ESR2: variants seen among roughly 807,000 people sequenced by gnomAD.
ESR2 encodes the protein estrogen receptor beta.
ESR2 carries 36 observed loss-of-function variants against 49.6 expected under a neutral mutation model. That is an observed-to-expected ratio of 0.73 (90% CI 0.56 to 0.96). The LOEUF is 0.96. Ranked by LOEUF, ESR2 falls within the 40% of genes least tolerant of loss-of-function variation. The pLI is 0.00. For missense variants in ESR2, 714 were observed against 693.0 expected, an observed-to-expected ratio of 1.03 and a Z score of -0.34; for synonymous variants, 320 against 266.1, an observed-to-expected ratio of 1.20 and a Z score of -1.97.
chr14:64,291,909 TAAAGA>T (rs1294457772), intron 1 of ESR2, among the ~76,000 whole-genome samples: 1 of 152,138 alleles, frequency 6.6e-6, no homozygotes, highest in African/African-American at 2.4e-5. Context: ...TTTTTTTTAA[TAAAGA>T]AGTTTTAAAA....
chr14:64,249,440 A>G, intron 7 of ESR2, 106 bp downstream of exon 7: 1 of 1,320,428 alleles, frequency 7.6e-7, no homozygotes, highest in Non-Finnish European at 1.1e-6. Context: ...AAACCATTTT[A>G]CCCTTTCAAA....
rs116588943 is a variant in ESR2 at position 64,247,558 on chromosome 14, A to G, written c.1225+1988T>C. Reference sequence around the variant, plus strand: ...GTTGTTTCAAGTATCGAACTCTAAGATTGGATAAATAAGGCCCAATATGTT... The same window carrying G: ...GTTGTTTCAAGTATCGAACTCTAAGGTTGGATAAATAAGGCCCAATATGTT... On this transcript the variant is annotated intron_variant, in intron 7 of 8. Coordinates refer to ENST00000341099, the MANE Select transcript of ESR2 (RefSeq NM_001437.3). 1.9e-3 allele frequency among the ~76,000 whole-genome samples: 296 copies of G among 152,326 alleles called. 1 individual carries two copies. Among genetic ancestry groups the G allele is most frequent in the African/African-American group, 6.8e-3 (282 of 41,574 alleles).
chr14:64,231,530 C>T lies in ESR2; in HGVS notation c.*1607G>A, dbSNP rs964816088. 6.6e-6 allele frequency: 1 copy of T among 152,174 alleles called. No homozygotes were observed. Among genetic ancestry groups the T allele is most frequent in the African/African-American group, 2.4e-5 (1 of 41,422 alleles). The allele number at this position is 152,174 out of a possible 1,614,324, so 9.4% of individuals were successfully genotyped here. ...ACTTGTCCAAGCATTTCTGAAACAGCTAAGCTCAACTTATAGTAAAATTGC... is the reference window on the plus strand; with the variant it reads ...ACTTGTCCAAGCATTTCTGAAACAGTTAAGCTCAACTTATAGTAAAATTGC... On this transcript the variant is annotated 3_prime_UTR_variant, in exon 9 of 9. Transcript: ENST00000341099.
rs1009260091 is a variant in ESR2, at chr14:64,232,305, A to C, written c.*832T>G. 1.3e-5 allele frequency: 2 copies of C among 152,308 alleles called. No homozygotes were observed. The highest frequency in any genetic ancestry group is 4.8e-5 in the African/African-American group (2 of 41,432). The allele number at this position is 152,308 out of a possible 1,614,324, so 9.4% of individuals were successfully genotyped here. On this transcript the variant is annotated 3_prime_UTR_variant, in exon 9 of 9. Coordinates refer to ENST00000341099, the MANE Select transcript of ESR2 (RefSeq NM_001437.3). Reference sequence around the variant, plus strand: ...AACACTGTGGCTGTCACCCACACCCACAGGAGAGAACCCCATTCCTGCAAA... The same window carrying C: ...AACACTGTGGCTGTCACCCACACCCCCAGGAGAGAACCCCATTCCTGCAAA...
chr14:64,234,362 G>C (rs1567726975), intron 8 of ESR2: 1 of 152,832 alleles, frequency 6.5e-6, no homozygotes, highest in Non-Finnish European at 1.5e-5. Flanking sequence ...ACCAAGCACT[G>C]AGCATCATTG....
chr14:64,296,842 GAGTA>G (rs1430431902), upstream of ESR2, among the ~76,000 whole-genome samples: 5 of 152,310 alleles, frequency 3.3e-5, no homozygotes, highest in African/African-American at 1.2e-4. Flanking sequence ...GAATGGGAGT[GAGTA>G]AGTTTCCTTC....
rs914652587 is a variant in ESR2, at chr14:64,249,485, G to T, written c.1225+61C>A. 7 of 1,549,078 alleles carry T rather than the reference G, an allele frequency of 4.5e-6. No homozygotes were observed. The South Asian group carries it at 4.8e-5, about 11-fold the overall frequency. On this transcript the variant is annotated intron_variant, in intron 7 of 8. Coordinates refer to ENST00000341099, the MANE Select transcript of ESR2 (RefSeq NM_001437.3). ...AGTTCAACATTCTTCTTAATATCAC[G>T]CTAGTTGTAGAAACAGCATCTCTCC...
At position 64,320,803 on chromosome 14, in the gene ESR2, G is replaced by C. The variant is rs112267150; in HGVS notation, c.-91+17095C>G. ...CCAGCTACTCAGGAGGCTGAGGCAG[G>C]AGAATCTTTTGAACCCAGGAGGCGG... On this transcript the variant is annotated intron_variant, in intron 1 of 8. Coordinates refer to the ESR2 transcript ENST00000358599. Among the ~76,000 whole-genome samples, 407 of 152,270 alleles carry C rather than the reference G, an allele frequency of 2.7e-3. 1 individual carries two copies. The highest frequency in any genetic ancestry group is 8.9e-3 in the African/African-American group (370 of 41,554).
intron 3 of ESR2, among the ~76,000 whole-genome samples, chr14:64,274,130 A>G (rs181495913): frequency 4.9e-5 from 7 of 143,742 alleles, no homozygotes; most frequent in Admixed American, 4.9e-4. Flanking sequence ...TTTTTTTTGT[A>G]GAGATAGGGA....
chr14:64,235,152 T>G lies in ESR2; in HGVS notation c.1226-2A>C. 1 of 1,609,834 alleles carries G rather than the reference T, an allele frequency of 6.2e-7. No homozygotes were observed. Among genetic ancestry groups the G allele is most frequent in the Non-Finnish European group, 8.5e-7 (1 of 1,177,428 alleles). On this transcript the variant is annotated splice_acceptor_variant, in intron 7 of 8. Coordinates refer to ENST00000341099, the MANE Select transcript of ESR2 (RefSeq NM_001437.3). LOFTEE classifies it high-confidence loss of function. ...TCGCTGTGACCAGAGGGTACATACC[T>G]GGACAAAGAATAAAAGCCAGAAGTC...
At chr14:64,304,496 G>A (rs1178814361) in intron 1 of ESR2, among the ~76,000 whole-genome samples, 3 of 152,212 alleles carry the variant, frequency 2.0e-5, no homozygotes, top group Non-Finnish European at 4.4e-5. Context: ...AGGCTGCACA[G>A]CCACACACCT....
At chr14:64,246,609 C>A (rs2075860690) in intron 7 of ESR2, among the ~76,000 whole-genome samples, 1 of 151,616 alleles carries the variant, frequency 6.6e-6, no homozygotes, top group Non-Finnish European at 1.5e-5. Context: ...CACCTGTAAT[C>A]CCAGCTACTT....
chr14:64,272,155 T>A (rs527486187), intron 3 of ESR2, among the ~76,000 whole-genome samples: 3 of 152,372 alleles, frequency 2.0e-5, no homozygotes, highest in Non-Finnish European at 4.4e-5. Context: ...TAATTAATGA[T>A]GTTGAACTCC....
intron 4 of ESR2, among the ~76,000 whole-genome samples, chr14:64,266,894 C>G (rs544803655): frequency 4.6e-5 from 7 of 152,250 alleles, no homozygotes; most frequent in East Asian, 3.9e-4. Flanking sequence ...CTCCTCCCCC[C>G]GCCCCCAGAC....
chr14:64,228,056 A>AAATC, downstream of ESR2: 1 of 1,401,070 alleles, frequency 7.1e-7, no homozygotes, highest in East Asian at 2.7e-5. Context: ...CTGTGGTCAT[A>AAATC]AATCAATCAC....
chr14:64,267,970 A>G (rs2076365523), intron 4 of ESR2, among the ~76,000 whole-genome samples: 1 of 152,206 alleles, frequency 6.6e-6, no homozygotes, highest in African/African-American at 2.4e-5. Context: ...AGAAATTACA[A>G]TTAACCACAG....
downstream of ESR2, chr14:64,228,107 T>C: frequency 3.9e-6 from 5 of 1,286,820 alleles, no homozygotes; most frequent in Non-Finnish European, 5.0e-6. Flanking sequence ...TTGTTCTTTT[T>C]AAGAAGATAC....
rs1236701271 is a variant in ESR2, at chr14:64,280,077, G to T, written c.439C>A (p.His147Asn). The change falls in exon 3 of 9, where the codon CAC (histidine) becomes AAC (asparagine). Residue 147 changes from histidine to asparagine, a missense_variant. His to Asn is a moderately conservative substitution (Grantham distance 68). Transcript: ENST00000341099. ...VTGPGSKRDAHFCAVCSDYAS... is the reference protein window; with the variant it reads ...VTGPGSKRDANFCAVCSDYAS... ...TAATCGCTGCAGACAGCGCAGAAGT[G>T]AGCATCCCTCTTTGAACCTGGACCA... The T allele has an allele frequency of 6.2e-7, 1 of 1,613,958 alleles. No individual in the cohort carries two copies. The highest frequency in any genetic ancestry group is 8.5e-7 in the Non-Finnish European group (1 of 1,179,936).
intron 1 of ESR2, among the ~76,000 whole-genome samples, chr14:64,301,125 A>G (rs1417719396): frequency 6.6e-6 from 1 of 152,094 alleles, no homozygotes; most frequent in East Asian, 1.9e-4. Context: ...CAGAGGGTTC[A>G]AACCAGATCT....
Sources: gnomAD v4.1 joint callset for allele counts (sites outside exome capture counted in the v4.1 genomes callset) on GRCh38, gnomAD v4.1.1 for gene constraint, MANE v1.5 for transcripts, NCBI Gene and HGNC (gene_info 2026-07-23, HGNC 2026-07-21) for gene names.